MBOAT2: variants seen among roughly 807,000 people sequenced by gnomAD.
The protein encoded by MBOAT2 is membrane-bound glycerophospholipid O-acyltransferase 2.
MBOAT2 carries 28 observed loss-of-function variants against 63.4 expected under a neutral mutation model. The ratio of observed to expected loss-of-function variants is 0.44; its 90% CI spans 0.33 to 0.61. MBOAT2 has a LOEUF of 0.61. MBOAT2 is among the 20% of genes least tolerant of loss of function. MBOAT2 has a pLI of 0.03. For missense variants in MBOAT2, 470 were observed against 605.8 expected (o/e 0.78, Z 2.35); for synonymous variants, 211 against 215.6 (o/e 0.98, Z 0.19).
At position 8,986,419 on chromosome 2, in the gene MBOAT2, C is replaced by T. The variant is rs555996353; in HGVS notation, c.75+17121G>A. On this transcript the variant is annotated intron_variant, in intron 1 of 12. Coordinates refer to ENST00000305997, the MANE Select transcript of MBOAT2 (RefSeq NM_138799.4). ...TCTCTCCAAAAAATACAAAATTAGCCGTGCCTGGTGGCGCATGCCTGTAGT... is the reference window on the plus strand; with the variant it reads ...TCTCTCCAAAAAATACAAAATTAGCTGTGCCTGGTGGCGCATGCCTGTAGT... Among the ~76,000 whole-genome samples, 8 of 151,934 alleles carry T rather than the reference C, an allele frequency of 5.3e-5. No individual in the cohort carries two copies. In the South Asian group the frequency reaches 1.5e-3, roughly 28 times the overall value.
chr2:8,876,940 G>T, intron 7 of MBOAT2, 90 bp downstream of exon 7: 2 of 1,267,180 alleles, frequency 1.6e-6, no homozygotes, highest in Admixed American at 2.5e-5. Context: ...GAAACAGATG[G>T]ATAAGTTCAC....
intron 1 of MBOAT2, among the ~76,000 whole-genome samples, chr2:8,979,613 T>C (rs535848470): frequency 1.3e-5 from 2 of 152,258 alleles, no homozygotes; most frequent in African/African-American, 2.4e-5. Context: ...ATGCAGATCA[T>C]TGTATTATTC....
rs1663468379 is a variant in MBOAT2 at position 8,885,289 on chromosome 2, A to G, written c.452-2724T>C. Among the ~76,000 whole-genome samples, 3 of 152,210 alleles carry G rather than the reference A, an allele frequency of 2.0e-5. No individual in the cohort carries two copies. The South Asian group carries it at 6.2e-4, about 32-fold the overall frequency. ...GGCACCTTTGGTTTCTGATGGTTCA[A>G]TGTACACACATTTTGTTTTATGCAC... On this transcript the variant is annotated intron_variant, in intron 5 of 12. Coordinates refer to ENST00000305997, the MANE Select transcript of MBOAT2 (RefSeq NM_138799.4).
chr2:8,879,240 T>C (rs1455884588), intron 6 of MBOAT2, among the ~76,000 whole-genome samples: 4 of 152,206 alleles, frequency 2.6e-5, no homozygotes, highest in Non-Finnish European at 5.9e-5. Context: ...GTAAGTACCC[T>C]GCAGTCACAA....
intron 3 of MBOAT2, among the ~76,000 whole-genome samples, chr2:8,926,615 C>T (rs1349295170): frequency 6.6e-6 from 1 of 152,192 alleles, no homozygotes; most frequent in Non-Finnish European, 1.5e-5. Context: ...GGAGCGAGTG[C>T]TGTGAACTGA....
chr2:8,994,600 C>CTGCA (rs1159987791), intron 1 of MBOAT2, among the ~76,000 whole-genome samples: 2 of 152,198 alleles, frequency 1.3e-5, no homozygotes, highest in East Asian at 3.8e-4. Context: ...GACATAAATG[C>CTGCA]TGCATGGGAT....
chr2:8,908,632 A>C lies in MBOAT2; in HGVS notation c.384T>G (p.Ala128=). The change falls in exon 4 of 13, where the codon GCT becomes GCG. Residue 128 remains alanine (A), a synonymous_variant. Transcript: ENST00000305997. Reference sequence around the variant, plus strand: ...AGTTTTCATCTTACCCTGAAAAATCAGCAGAATATTGTCCATAGTCAAAGA... The same window carrying C: ...AGTTTTCATCTTACCCTGAAAAATCCGCAGAATATTGTCCATAGTCAAAGA... The part of the protein sequence containing the change: ...VYIFDYGQYS[A]DFSGPMMIIT... 1 of 1,597,506 alleles carries C rather than the reference A, an allele frequency of 6.3e-7. No individual in the cohort carries two copies. Among genetic ancestry groups the C allele is most frequent in the Non-Finnish European group, 8.6e-7 (1 of 1,168,472 alleles).
At chr2:8,929,269 A>T (rs1180035611) in intron 3 of MBOAT2, among the ~76,000 whole-genome samples, 2 of 152,246 alleles carry the variant, frequency 1.3e-5, no homozygotes, top group Non-Finnish European at 2.9e-5. Flanking sequence ...ATGTTCTGTT[A>T]CATGCATTGG....
chr2:8,979,755 T>C (rs1415968329), intron 1 of MBOAT2, among the ~76,000 whole-genome samples: 2 of 152,140 alleles, frequency 1.3e-5, no homozygotes, highest in Non-Finnish European at 1.5e-5. Flanking sequence ...CAGCGACATG[T>C]GGCAAATCGA....
At chr2:8,995,887 G>A (rs1034134851) in intron 1 of MBOAT2, among the ~76,000 whole-genome samples, 2 of 152,144 alleles carry the variant, frequency 1.3e-5, no homozygotes, top group South Asian at 4.1e-4. Flanking sequence ...CATCGCGCCC[G>A]GCCTACATTC....
intron 3 of MBOAT2, among the ~76,000 whole-genome samples, chr2:8,919,581 T>C (rs965324421): frequency 1.3e-5 from 2 of 152,206 alleles, no homozygotes; most frequent in Admixed American, 1.3e-4. Flanking sequence ...GTCTTCTTAG[T>C]ATTGATTGTA....
At chr2:8,866,671 G>A (rs541792825) in intron 9 of MBOAT2, among the ~76,000 whole-genome samples, 1 of 152,262 alleles carries the variant, frequency 6.6e-6, no homozygotes, top group South Asian at 2.1e-4. Flanking sequence ...TTTTCCAGTT[G>A]GTTTGGTCAA....
intron 4 of MBOAT2, among the ~76,000 whole-genome samples, chr2:8,901,252 A>T (rs937309948): frequency 3.3e-5 from 5 of 152,146 alleles, no homozygotes; most frequent in African/African-American, 7.2e-5. Context: ...GACCCTGCTG[A>T]TCAGAATAGT....
intron 1 of MBOAT2, among the ~76,000 whole-genome samples, chr2:8,965,766 T>C (rs1271479120): frequency 6.6e-6 from 1 of 152,184 alleles, no homozygotes; most frequent in Non-Finnish European, 1.5e-5. Flanking sequence ...TGTTCAAATA[T>C]GATAGCCACT....
chr2:8,989,452 A>T (rs1337735554), intron 1 of MBOAT2, among the ~76,000 whole-genome samples: 1 of 152,210 alleles, frequency 6.6e-6, no homozygotes, highest in Non-Finnish European at 1.5e-5. Context: ...TCAAATAAGT[A>T]CACCAATACT....
At position 8,858,736 on chromosome 2, in the gene MBOAT2, G is replaced by A. The variant is rs755883588; in HGVS notation, c.1506C>T (p.Asn502=). 5.0e-6 allele frequency: 8 copies of A among 1,613,220 alleles called. No individual in the cohort carries two copies. Among genetic ancestry groups the A allele is most frequent in the Non-Finnish European group, 6.8e-6 (8 of 1,179,878 alleles). ...TTTCTTGATTCTGATTGCAAACATTGTTTGTTGTAGAAAAACTGTTCTGTC... is the reference window on the plus strand; with the variant it reads ...TTTCTTGATTCTGATTGCAAACATTATTTGTTGTAGAAAAACTGTTCTGTC... The part of the protein sequence containing the change: ...SLGQNSFSTT[N]NVCNQNQEIA... Residue 502 remains asparagine, a synonymous_variant, in exon 13 of 13, where the codon AAC becomes AAT. Transcript: ENST00000305997.
intron 4 of MBOAT2, among the ~76,000 whole-genome samples, chr2:8,894,271 G>A (rs1029897503): frequency 4.6e-5 from 7 of 152,140 alleles, no homozygotes; most frequent in Admixed American, 2.6e-4. Flanking sequence ...GGCTTGGTTC[G>A]GTAGGGTGGG....
At position 8,854,889 on chromosome 2, in the gene MBOAT2, A is replaced by C. The variant is rs1213789712; in HGVS notation, c.*3790T>G. Reference sequence around the variant, plus strand: ...TATCCTTGAATAACTTTGAGATGTTATATAGTGGTAAACCCTGTCCAGTAG... The same window carrying C: ...TATCCTTGAATAACTTTGAGATGTTCTATAGTGGTAAACCCTGTCCAGTAG... On this transcript the variant is annotated 3_prime_UTR_variant, in exon 13 of 13. Transcript: ENST00000305997. 2 of 152,372 alleles carry C rather than the reference A, an allele frequency of 1.3e-5. 1 individual carries two copies. Among genetic ancestry groups the C allele is most frequent in the Middle Eastern group, 6.8e-3 (2 of 294 alleles). The allele number at this position is 152,372 out of a possible 1,614,324, so 9.4% of individuals were successfully genotyped here. A position where few individuals can be genotyped will look rare whatever the true frequency, so the allele number is the denominator to read the frequency against.
chr2:8,989,277 G>A (rs761564826), intron 1 of MBOAT2, among the ~76,000 whole-genome samples: 2 of 152,136 alleles, frequency 1.3e-5, no homozygotes, highest in South Asian at 2.1e-4. Context: ...CCATCAGCCC[G>A]TTAACGTCAA....
Sources: gnomAD v4.1 joint callset for allele counts (sites outside exome capture counted in the v4.1 genomes callset) on GRCh38, gnomAD v4.1.1 for gene constraint, MANE v1.5 for transcripts, NCBI Gene and HGNC (gene_info 2026-07-23, HGNC 2026-07-21) for gene names.